PIP4K2A: variants seen among roughly 807,000 people sequenced by gnomAD.
PIP4K2A encodes the protein phosphatidylinositol-5-phosphate 4-kinase type 2 alpha.
A neutral mutation model predicts 42.9 loss-of-function variants in PIP4K2A; 14 were observed. The ratio of observed to expected loss-of-function variants is 0.33; its 90% CI spans 0.22 to 0.51. The LOEUF (loss-of-function observed/expected upper bound fraction) is 0.51, where lower values mean the gene tolerates loss of function less well. Ranked by LOEUF, PIP4K2A falls within the 20% of genes least tolerant of loss-of-function variation. The pLI is 0.97. For synonymous variants in PIP4K2A, 192 were observed against 192.2 expected, an observed-to-expected ratio of 1.00 and a Z score of 0.01; for missense variants, 434 against 519.8, an observed-to-expected ratio of 0.83 and a Z score of 1.61.
At chr10:22,574,601 T>C (rs1476416066) in intron 4 of PIP4K2A, among the ~76,000 whole-genome samples, 4 of 152,200 alleles carry the variant, frequency 2.6e-5, no homozygotes, top group Non-Finnish European at 5.9e-5. Flanking sequence ...TCATTAAAGA[T>C]AAACAGCATT....
chr10:22,586,671 C>T (rs146474949), intron 4 of PIP4K2A, among the ~76,000 whole-genome samples: 9,561 of 152,156 alleles, frequency 0.063, 399 homozygotes, highest in Middle Eastern at 0.15. Context: ...GCTGGGACTA[C>T]AGGCACGTGC....
chr10:22,541,204 T>C (rs888257373), intron 8 of PIP4K2A, among the ~76,000 whole-genome samples: 1 of 152,128 alleles, frequency 6.6e-6, no homozygotes, highest in Admixed American at 6.5e-5. Context: ...GGCCCTTCCA[T>C]GGGGGAGGAC....
At chr10:22,575,055 C>G (rs1309475733) in intron 4 of PIP4K2A, among the ~76,000 whole-genome samples, 2 of 152,086 alleles carry the variant, frequency 1.3e-5, no homozygotes, top group East Asian at 3.9e-4. Context: ...GGGCAAGTTA[C>G]CAAATCACTC....
intron 1 of PIP4K2A, among the ~76,000 whole-genome samples, chr10:22,664,205 A>ATG (rs1491583222): frequency 4.9e-5 from 2 of 40,776 alleles, no homozygotes; most frequent in African/African-American, 4.2e-4. Context: ...ATATATATAC[A>ATG]TATATATATA....
At chr10:22,553,839 A>G (rs1182348988) in intron 6 of PIP4K2A, among the ~76,000 whole-genome samples, 3 of 143,646 alleles carry the variant, frequency 2.1e-5, no homozygotes, top group African/African-American at 7.8e-5. Flanking sequence ...TTCTTTTTAA[A>G]TTAAGAACAA....
chr10:22,542,198 C>T (rs1836138861), intron 7 of PIP4K2A, 151 bp from the exon 8 acceptor site: 1 of 633,518 alleles, frequency 1.6e-6, no homozygotes, highest in Non-Finnish European at 2.7e-6. Context: ...TCTTACACTC[C>T]TGGGCTGTTT....
At chr10:22,701,460 C>T (rs1319023432) in intron 1 of PIP4K2A, among the ~76,000 whole-genome samples, 15 of 152,150 alleles carry the variant, frequency 9.9e-5, no homozygotes, top group Admixed American at 9.8e-4. Context: ...GTCTGTTACC[C>T]CTGCCCAAGC....
At chr10:22,708,402 C>T (rs1029099735) in intron 1 of PIP4K2A, among the ~76,000 whole-genome samples, 1 of 152,074 alleles carries the variant, frequency 6.6e-6, no homozygotes, top group African/African-American at 2.4e-5. Flanking sequence ...TCTGTACGGG[C>T]AGGTCTCAAT....
chr10:22,579,237 T>A lies in PIP4K2A; in HGVS notation c.493-5780A>T, dbSNP rs188259654. ...TCTGTTCTGGGACTATTACCGCACG[T>A]GTAAACTGTACCACGCAATGTATCC... On this transcript the variant is annotated intron_variant, in intron 4 of 9. Coordinates refer to ENST00000376573, the MANE Select transcript of PIP4K2A (RefSeq NM_005028.5). Among the ~76,000 whole-genome samples the A allele has an allele frequency of 1.1e-4, 17 of 152,220 alleles. 1 individual carries two copies. Among genetic ancestry groups the A allele is most frequent in the Admixed American group, 1.1e-3 (17 of 15,296 alleles).
At chr10:22,563,901 T>C (rs375846824) in intron 6 of PIP4K2A, among the ~76,000 whole-genome samples, 9 of 152,358 alleles carry the variant, frequency 5.9e-5, no homozygotes, top group African/African-American at 2.2e-4. Context: ...CAGTGCCAGT[T>C]GTGACTTCCT....
chr10:22,619,170 A>T (rs1001280848), intron 1 of PIP4K2A, among the ~76,000 whole-genome samples: 5 of 139,966 alleles, frequency 3.6e-5, no homozygotes, highest in Admixed American at 6.9e-5. Flanking sequence ...TAAGAACTTT[A>T]AAAAAAAAAA....
chr10:22,538,870 A>C (rs1157954017), intron 9 of PIP4K2A, among the ~76,000 whole-genome samples: 1 of 152,208 alleles, frequency 6.6e-6, no homozygotes, highest in Non-Finnish European at 1.5e-5. Flanking sequence ...TGTGACTGAA[A>C]TATTTCTTTG....
chr10:22,664,048 C>CGT lies in PIP4K2A; in HGVS notation c.144+50134_144+50135insAC, dbSNP rs1321083819. The stretch of plus-strand genomic sequence containing the variant: ...ATATATATACATATATATATATATA[C>CGT]ATATGTATATATACATATATATATA... On this transcript the variant is annotated intron_variant, in intron 1 of 9. Transcript: ENST00000376573. Among the ~76,000 whole-genome samples, 52 of 76,788 alleles carry CGT rather than the reference C, an allele frequency of 6.8e-4. 4 individuals are homozygous for CGT. The highest frequency in any genetic ancestry group is 5.3e-3 in the African/African-American group (50 of 9,414). 50.4% of individuals were successfully genotyped at this position (76,788 alleles called of 152,430 possible). A position where few individuals can be genotyped will look rare whatever the true frequency, so the allele number is the denominator to read the frequency against.
chr10:22,623,025 A>G (rs1178329920), intron 1 of PIP4K2A, among the ~76,000 whole-genome samples: 1 of 152,202 alleles, frequency 6.6e-6, no homozygotes, highest in Non-Finnish European at 1.5e-5. Context: ...TTCATAAATA[A>G]TGGCACAAGC....
chr10:22,598,691 C>G (rs977342957), intron 3 of PIP4K2A, among the ~76,000 whole-genome samples: 2 of 152,196 alleles, frequency 1.3e-5, no homozygotes, highest in Non-Finnish European at 2.9e-5. Context: ...CTCCCTCCAA[C>G]TCACCCTTCC....
chr10:22,690,906 A>T (rs1715242849), intron 1 of PIP4K2A, among the ~76,000 whole-genome samples: 1 of 152,244 alleles, frequency 6.6e-6, no homozygotes, highest in Non-Finnish European at 1.5e-5. Context: ...TACAAACACA[A>T]GAGCAGTGGG....
intron 1 of PIP4K2A, among the ~76,000 whole-genome samples, chr10:22,695,578 A>G (rs1414705249): frequency 6.6e-6 from 1 of 152,142 alleles, no homozygotes; most frequent in African/African-American, 2.4e-5. Flanking sequence ...TCACAAACCA[A>G]AATGTACAAG....
intron 1 of PIP4K2A, among the ~76,000 whole-genome samples, chr10:22,651,702 C>T (rs72816857): frequency 0.013 from 1,940 of 152,284 alleles, 17 homozygotes; most frequent in Middle Eastern, 0.024. Context: ...ATCTGTCTCC[C>T]GGACAGTGGA....
intron 6 of PIP4K2A, among the ~76,000 whole-genome samples, chr10:22,557,264 G>A (rs751278187): frequency 6.6e-6 from 1 of 152,184 alleles, no homozygotes; most frequent in Non-Finnish European, 1.5e-5. Flanking sequence ...AGAATTCTAT[G>A]AGAGCAAAGG....
Sources: allele counts gnomAD v4.1 joint callset (sites outside exome capture counted in the v4.1 genomes callset), GRCh38; gene constraint gnomAD v4.1.1; transcripts MANE v1.5; gene names NCBI Gene and HGNC (gene_info 2026-07-23, HGNC 2026-07-21).